The following CADM2 variants were observed in gnomAD, a reference collection of about 807,000 sequenced individuals.
The protein encoded by CADM2 is cell adhesion molecule 2.
In CADM2, 12 loss-of-function variants were observed where a neutral mutation model predicts 49.8. The ratio of observed to expected loss-of-function variants is 0.24; its 90% confidence interval spans 0.15 to 0.39. The LOEUF (loss-of-function observed/expected upper bound fraction) is 0.39. CADM2 is among the 10% of genes least tolerant of loss of function. The probability of loss-of-function intolerance (pLI) is 1.00; values close to 1 mark genes in which losing one functional copy is unlikely to be tolerated. For missense variants in CADM2, 378 were observed against 492.3 expected, an observed-to-expected ratio of 0.77 and a Z score of 2.20; for synonymous variants, 214 against 175.4, an observed-to-expected ratio of 1.22 and a Z score of -1.74.
intron 1 of CADM2, among the ~76,000 whole-genome samples, chr3:85,093,724 C>T (rs2037688540): frequency 6.6e-6 from 1 of 152,044 alleles, no homozygotes; most frequent in Non-Finnish European, 1.5e-5. Context: ...TCCTGCATAT[C>T]AAATATCTAC....
intron 1 of CADM2, among the ~76,000 whole-genome samples, chr3:85,000,244 G>C (rs1208056488): frequency 6.6e-6 from 1 of 150,868 alleles, no homozygotes; most frequent in Admixed American, 6.6e-5. Context: ...CTCTAGAGTA[G>C]TTGGGACTAC....
At chr3:85,889,161 A>G (rs1271948177) in intron 5 of CADM2, among the ~76,000 whole-genome samples, 4 of 152,144 alleles carry the variant, frequency 2.6e-5, no homozygotes, top group Non-Finnish European at 5.9e-5. Flanking sequence ...TATGGAGAAT[A>G]TTTTCCTAAA....
intron 1 of CADM2, among the ~76,000 whole-genome samples, chr3:85,291,219 T>A (rs375877459): frequency 6.6e-6 from 1 of 151,772 alleles, no homozygotes; most frequent in African/African-American, 2.4e-5. Context: ...GAAATGAAGC[T>A]AGAAGGGAAG....
At position 85,957,684 on chromosome 3, in the gene CADM2, A is replaced by G. The variant is rs80053576; in HGVS notation, c.792-3785A>G. On this transcript the variant is annotated intron_variant, in intron 7 of 9. Coordinates refer to ENST00000383699, the MANE Select transcript of CADM2 (RefSeq NM_001167675.2). ...ATTTCAGATGCCACTCACATGCACT[A>G]GGCTGTTACCTGTACTTCTGACCAA... Among the ~76,000 whole-genome samples, 570 of 151,924 alleles carry G rather than the reference A, an allele frequency of 3.8e-3. 4 individuals carry two copies. The highest frequency in any genetic ancestry group is 0.017 in the Middle Eastern group (5 of 294).
chr3:85,828,028 A>G (rs1314862148), intron 3 of CADM2: 1 of 151,964 alleles, frequency 6.6e-6, no homozygotes, highest in African/African-American at 2.4e-5. Context: ...GAAGTGGTGC[A>G]TATTACTTCT....
Position 86,060,464 on chromosome 3 carries a change from C to T in CADM2, c.971-5141C>T, listed in dbSNP as rs922771401. Among the ~76,000 whole-genome samples the T allele has an allele frequency of 2.3e-4, 35 of 152,218 alleles. 1 individual carries two copies. The highest frequency in any genetic ancestry group is 7.7e-4 in the African/African-American group (32 of 41,534). On this transcript the variant is annotated intron_variant, in intron 8 of 9. Coordinates refer to ENST00000383699, the MANE Select transcript of CADM2 (RefSeq NM_001167675.2). ...CTGCATTAAGAATGAGCAAGAAATA[C>T]CATCAGCATCAGAACAGAGAGTCTT...
At chr3:85,391,546 C>A (rs1168391532) in intron 1 of CADM2, among the ~76,000 whole-genome samples, 1 of 152,030 alleles carries the variant, frequency 6.6e-6, no homozygotes, top group Non-Finnish European at 1.5e-5. Context: ...AAATTGCAAA[C>A]TTAAAAACAA....
chr3:86,032,218 G>T (rs1050597538), intron 8 of CADM2, among the ~76,000 whole-genome samples: 2 of 151,430 alleles, frequency 1.3e-5, no homozygotes, highest in South Asian at 2.1e-4. Context: ...AATTCCTTTC[G>T]TCCAATTTGA....
At chr3:85,324,878 T>C (rs2044706530) in intron 1 of CADM2, among the ~76,000 whole-genome samples, 1 of 152,192 alleles carries the variant, frequency 6.6e-6, no homozygotes, top group South Asian at 2.1e-4. Flanking sequence ...TGCAGTGTCA[T>C]AGTCTCATTC....
At chr3:85,611,514 G>A (rs1037404856) in intron 1 of CADM2, among the ~76,000 whole-genome samples, 1 of 151,888 alleles carries the variant, frequency 6.6e-6, no homozygotes, top group Non-Finnish European at 1.5e-5. Flanking sequence ...ATGAGAAAGA[G>A]TGGAGGGAAA....
chr3:85,722,332 A>G (rs912156735), intron 1 of CADM2, among the ~76,000 whole-genome samples: 4 of 152,144 alleles, frequency 2.6e-5, no homozygotes, highest in African/African-American at 9.7e-5. Flanking sequence ...TGCCATCAAA[A>G]TCATAGATGT....
At chr3:85,942,479 C>T (rs1577722987) in intron 7 of CADM2, among the ~76,000 whole-genome samples, 2 of 123,072 alleles carry the variant, frequency 1.6e-5, no homozygotes, top group Admixed American at 9.7e-5. Context: ...TGCTATCCCT[C>T]CCCCCTCCCC....
chr3:85,817,634 G>A (rs2073292602), intron 3 of CADM2, among the ~76,000 whole-genome samples: 3 of 152,102 alleles, frequency 2.0e-5, no homozygotes, highest in African/African-American at 7.2e-5. Flanking sequence ...TGGTAGTCAG[G>A]ATAGCTGCAC....
chr3:85,260,577 C>T (rs1473626856), intron 1 of CADM2, among the ~76,000 whole-genome samples: 1 of 152,144 alleles, frequency 6.6e-6, no homozygotes, highest in South Asian at 2.1e-4. Flanking sequence ...CCATGAAATA[C>T]ATGGTGCCTG....
rs545595464 is a variant in CADM2 at position 85,700,231 on chromosome 3, A to C, written c.62-26291A>C. On this transcript the variant is annotated intron_variant, in intron 1 of 9. Transcript: ENST00000383699. ...AGCATCATTCTCAGCAAACTATCGCAAAAACAAAAAACCAAACACTGCATG... is the reference window on the plus strand; with the variant it reads ...AGCATCATTCTCAGCAAACTATCGCCAAAACAAAAAACCAAACACTGCATG... Among the ~76,000 whole-genome samples, 4 of 152,322 alleles carry C rather than the reference A, an allele frequency of 2.6e-5. No homozygotes were observed. The East Asian group carries it at 7.7e-4, about 29-fold the overall frequency.
chr3:86,018,780 C>G (rs1326897230), intron 8 of CADM2, among the ~76,000 whole-genome samples: 4 of 151,750 alleles, frequency 2.6e-5, no homozygotes, highest in African/African-American at 9.7e-5. Flanking sequence ...GATATTAGCC[C>G]TTTGTCAGAT....
chr3:85,939,502 C>CACACACACACACA (rs1479054163), intron 7 of CADM2, among the ~76,000 whole-genome samples: 1 of 150,770 alleles, frequency 6.6e-6, no homozygotes, highest in Admixed American at 6.6e-5. Context: ...CACACACACA[C>CACACACACACACA]AACATGAAAC....
intron 1 of CADM2, among the ~76,000 whole-genome samples, chr3:85,094,878 A>C (rs2107530587): frequency 6.6e-6 from 1 of 152,266 alleles, no homozygotes; most frequent in Non-Finnish European, 1.5e-5. Flanking sequence ...TTAAATAAGA[A>C]GCCAGTGTTC....
intron 1 of CADM2, among the ~76,000 whole-genome samples, chr3:85,668,295 CAAAAAAA>C (rs11447925): frequency 7.3e-5 from 6 of 81,774 alleles, no homozygotes; most frequent in African/African-American, 2.7e-4. Context: ...AGTACCAAAG[CAAAAAAA>C]AAAAAAAAAA....
Sources: allele counts gnomAD v4.1 joint callset (sites outside exome capture counted in the v4.1 genomes callset), GRCh38; gene constraint gnomAD v4.1.1; transcripts MANE v1.5; gene names NCBI Gene and HGNC (gene_info 2026-07-23, HGNC 2026-07-21).